ADGB: variants seen among roughly 807,000 people sequenced by gnomAD.
The protein encoded by ADGB is calpain-7-like protein.
A neutral mutation model predicts 210.5 loss-of-function variants in ADGB; 172 were observed. That is an observed-to-expected ratio of 0.82 (90% confidence interval 0.72 to 0.93). ADGB has a LOEUF of 0.93. Among genes scored for constraint, ADGB ranks in the 40% least tolerant of loss-of-function variants. ADGB has a pLI of 0.00. For missense variants in ADGB, 2,025 were observed against 1,964.8 expected, an observed-to-expected ratio of 1.03 and a Z score of -0.58; for synonymous variants, 658 against 662.7, an observed-to-expected ratio of 0.99 and a Z score of 0.11.
chr6:146,698,593 C>T (rs970299231), intron 12 of ADGB, among the ~76,000 whole-genome samples: 6 of 152,130 alleles, frequency 3.9e-5, no homozygotes, highest in African/African-American at 1.4e-4. Context: ...GGGAGCACTG[C>T]ACAGCACTGC....
At position 146,728,652 on chromosome 6, in the gene ADGB, G is replaced by A. The variant is rs1418071702; in HGVS notation, c.2431G>A (p.Gly811Ser). 1 of 1,551,452 alleles carries A rather than the reference G, an allele frequency of 6.4e-7. No individual in the cohort carries two copies. The highest frequency in any genetic ancestry group is 1.4e-5 in the African/African-American group (1 of 73,026). ...GNVIANFKDK[G>S]KLSAALKDLQ... ...TGTGATTGCTAATTTCAAAGATAAG[G>A]GTAAACTCTCTGCAGCTTTGAAGGA... Residue 811 changes from glycine (G) to serine (S), a missense_variant, in exon 20 of 36, where the codon GGT becomes AGT. Gly to Ser is a moderately conservative substitution (Grantham distance 56). Coordinates refer to ENST00000397944, the MANE Select transcript of ADGB (RefSeq NM_024694.4).
At chr6:146,782,336 C>T in intron 30 of ADGB, 144 bp downstream of exon 30, 5 of 791,592 alleles carry the variant, frequency 6.3e-6, no homozygotes, top group Non-Finnish European at 9.5e-6. Context: ...TGAGGACATT[C>T]CTTGGACACC....
intron 1 of ADGB, among the ~76,000 whole-genome samples, chr6:146,616,218 GA>G: frequency 6.7e-6 from 1 of 149,474 alleles, no homozygotes; most frequent in Admixed American, 6.7e-5. Flanking sequence ...GTCTTCTTTT[GA>G]AAAATGTCTA....
intron 6 of ADGB, among the ~76,000 whole-genome samples, chr6:146,666,157 T>G (rs1464717746): frequency 6.6e-6 from 1 of 152,074 alleles, no homozygotes; most frequent in East Asian, 1.9e-4. Context: ...GATAGTCAGC[T>G]GAAGCCGTGA....
At chr6:146,727,313 G>A (rs1054332165) in intron 19 of ADGB, among the ~76,000 whole-genome samples, 3 of 152,104 alleles carry the variant, frequency 2.0e-5, no homozygotes, top group African/African-American at 7.2e-5. Flanking sequence ...AGCAGTGGCT[G>A]TGCAAGAGTT....
intron 7 of ADGB, among the ~76,000 whole-genome samples, chr6:146,667,507 G>A (rs148579042): frequency 2.8e-3 from 422 of 152,086 alleles, no homozygotes; most frequent in African/African-American, 9.4e-3. Flanking sequence ...CTGTGTATCT[G>A]CTTCTTCATA....
intron 2 of ADGB, 55 bp from the exon 3 acceptor site, chr6:146,644,718 T>G (rs908369724): frequency 1.0e-4 from 112 of 1,079,490 alleles, no homozygotes; most frequent in Non-Finnish European, 5.1e-6. Flanking sequence ...ATTAAAATTG[T>G]TTTTTTATTT....
chr6:146,641,016 C>T (rs964265483), intron 2 of ADGB, among the ~76,000 whole-genome samples: 1 of 151,894 alleles, frequency 6.6e-6, no homozygotes, highest in Non-Finnish European at 1.5e-5. Context: ...GAAAACCCCA[C>T]AGTCTTGTCC....
chr6:146,637,538 G>A (rs1456774813), intron 2 of ADGB, among the ~76,000 whole-genome samples: 1 of 151,910 alleles, frequency 6.6e-6, no homozygotes, highest in Admixed American at 6.6e-5. Context: ...AAGGTAAAGG[G>A]ACCCCAATAA....
In ADGB at chr6:146,736,438, C is replaced by T. The variant is rs1441381019; in HGVS notation, c.2795-60C>T. On this transcript the variant is annotated intron_variant, in intron 22 of 35. Coordinates refer to ENST00000397944, the MANE Select transcript of ADGB (RefSeq NM_024694.4). ...CATTTGTGAAAATGAAGGCTTTGGA[C>T]AAGATGATCTTTCAGGCATCTTAAA... The T allele has an allele frequency of 8.2e-6, 9 of 1,096,746 alleles. No homozygotes were observed. The African/African-American group carries it at 1.3e-4, about 15-fold the overall frequency. 67.9% of individuals were successfully genotyped at this position (1,096,746 alleles called of 1,614,324 possible). A position where few individuals can be genotyped will look rare whatever the true frequency, so the allele number is the denominator to read the frequency against.
intron 9 of ADGB, among the ~76,000 whole-genome samples, chr6:146,677,703 G>T (rs1776104173): frequency 6.6e-6 from 1 of 152,154 alleles, no homozygotes; most frequent in African/African-American, 2.4e-5. Flanking sequence ...TTACAGTTAA[G>T]GTCATTCCAA....
intron 32 of ADGB, 25 bp downstream of exon 32, chr6:146,785,737 T>G (rs1442605774): frequency 6.7e-6 from 10 of 1,499,222 alleles, no homozygotes; most frequent in Non-Finnish European, 8.2e-6. Flanking sequence ...CCACCCCAGC[T>G]GCCTCAGAGC....
rs1778361523 is a variant in ADGB at position 146,814,968 on chromosome 6, T to C, written c.4819-64T>C. ...ACAGGGTAAAGGAATTTCATTTTTT[T>C]CTTTCTGGGAACATAAGCCTTTACC... On this transcript the variant is annotated intron_variant, in intron 35 of 35. Transcript: ENST00000397944. The C allele has an allele frequency of 2.8e-6, 4 of 1,450,584 alleles. No individual in the cohort carries two copies. In the South Asian group the frequency reaches 4.2e-5, roughly 15 times the overall value. The allele number at this position is 1,450,584 out of a possible 1,614,324, so 89.9% of individuals were successfully genotyped here.
Position 146,685,714 on chromosome 6 carries a change from A to G in ADGB, c.1217-20A>G, listed in dbSNP as rs1198726172. On this transcript the variant is annotated intron_variant, in intron 9 of 35. Transcript: ENST00000397944. ...ATTTTGACTAGAATTTTCACAACAT[A>G]ATGTATGTTTGTTTTACAGGTTCTT... 3.5e-6 allele frequency: 5 copies of G among 1,436,240 alleles called. No individual in the cohort carries two copies. The highest frequency in any genetic ancestry group is 3.7e-6 in the Non-Finnish European group (4 of 1,076,992). The allele number at this position is 1,436,240 out of a possible 1,614,324, so 89.0% of individuals were successfully genotyped here.
chr6:146,726,211 C>T lies in ADGB; in HGVS notation c.2352+14C>T. 4 of 1,479,536 alleles carry T rather than the reference C, an allele frequency of 2.7e-6. No individual in the cohort carries two copies. The highest frequency in any genetic ancestry group is 3.7e-6 in the Non-Finnish European group (4 of 1,082,560). The allele number at this position is 1,479,536 out of a possible 1,614,324, so 91.7% of individuals were successfully genotyped here. On this transcript the variant is annotated intron_variant, in intron 19 of 35. Coordinates refer to ENST00000397944, the MANE Select transcript of ADGB (RefSeq NM_024694.4). ...AACTTTGAACCAGTAAGTATTTTTG[C>T]AACAGCAAGTTATTTATTTATTTAT...
At chr6:146,789,139 C>T (rs76745744) in intron 33 of ADGB, among the ~76,000 whole-genome samples, 13,337 of 152,212 alleles carry the variant, frequency 0.088, 893 homozygotes, top group African/African-American at 0.19. Context: ...CCTTTCCACA[C>T]TCCTGGTTTC....
intron 2 of ADGB, among the ~76,000 whole-genome samples, chr6:146,638,646 C>T (rs189128830): frequency 0.013 from 1,995 of 149,420 alleles, 46 homozygotes; most frequent in African/African-American, 0.043. Flanking sequence ...GGAGATATAC[C>T]TAATGTTAAA....
intron 5 of ADGB, 55 bp downstream of exon 5, chr6:146,657,035 C>T (rs1437208293): frequency 1.4e-6 from 2 of 1,438,390 alleles, no homozygotes; most frequent in Non-Finnish European, 1.9e-6. Context: ...TTGAAATATA[C>T]TTGTCCTGGC....
intron 17 of ADGB, 63 bp downstream of exon 17, chr6:146,721,568 T>C (rs1381523547): frequency 6.3e-5 from 17 of 270,626 alleles, no homozygotes; most frequent in Non-Finnish European, 8.8e-5. Flanking sequence ...TAGGGCGTGG[T>C]GGCTCACGCC....
Sources: allele counts gnomAD v4.1 joint callset (sites outside exome capture counted in the v4.1 genomes callset), GRCh38; gene constraint gnomAD v4.1.1; transcripts MANE v1.5; gene names NCBI Gene and HGNC (gene_info 2026-07-23, HGNC 2026-07-21).